FNBP1: variants seen among roughly 807,000 people sequenced by gnomAD.
FNBP1 encodes the protein formin binding protein 1.
In FNBP1, 26 loss-of-function variants were observed where a neutral mutation model predicts 90.6. The observed-to-expected ratio is 0.29, with a 90% CI of 0.21 to 0.40. The LOEUF (loss-of-function observed/expected upper bound fraction) is 0.40. FNBP1 is among the 10% of genes least tolerant of loss of function. FNBP1 has a pLI of 1.00. For missense variants in FNBP1, 635 were observed against 768.0 expected (o/e 0.83, Z 2.05); for synonymous variants, 260 against 265.2 (o/e 0.98, Z 0.19).
At chr9:129,892,086 G>T (rs925460403) in intron 16 of FNBP1, among the ~76,000 whole-genome samples, 1 of 152,216 alleles carries the variant, frequency 6.6e-6, no homozygotes, top group East Asian at 1.9e-4. Flanking sequence ...GAGGCTTCGC[G>T]GCTTTCCGGC....
intron 8 of FNBP1, 122 bp downstream of exon 8, chr9:129,927,073 G>GT: frequency 1.1e-6 from 1 of 925,638 alleles, no homozygotes; most frequent in South Asian, 1.5e-5. Flanking sequence ...CACAGAGCAT[G>GT]TGTGACCACC....
chr9:129,924,120 G>A (rs551467495), intron 9 of FNBP1, 94 bp from the exon 10 acceptor site: 9 of 1,278,340 alleles, frequency 7.0e-6, no homozygotes, highest in African/African-American at 6.3e-5. Context: ...GAAATCCAAC[G>A]CAAGTAAAAC....
intron 12 of FNBP1, among the ~76,000 whole-genome samples, chr9:129,906,361 C>A (rs2038058250): frequency 6.6e-6 from 1 of 152,054 alleles, no homozygotes; most frequent in African/African-American, 2.4e-5. Context: ...TAGCTGTGCC[C>A]TGGCCCAAAT....
upstream of FNBP1, among the ~76,000 whole-genome samples, chr9:130,043,703 C>T (rs1001002651): frequency 6.6e-6 from 1 of 152,206 alleles, no homozygotes; most frequent in African/African-American, 2.4e-5. Context: ...ATAGAGACGT[C>T]GAGGCAAGCG....
rs941062356 is a variant in FNBP1, at chr9:129,929,560, G to A, written c.642+7C>T. The A allele has an allele frequency of 6.2e-7, 1 of 1,613,320 alleles. No homozygotes were observed. The highest frequency in any genetic ancestry group is 1.3e-5 in the African/African-American group (1 of 75,010). ...AACATGAAATCTGAGAGATGTTCAG[G>A]ACTTACCTGGAAGATGTTGGGGATG... On this transcript the variant is annotated splice_region_variant and intron_variant, in intron 7 of 16. Coordinates refer to ENST00000446176, the MANE Select transcript of FNBP1 (RefSeq NM_015033.3).
intron 4 of FNBP1, among the ~76,000 whole-genome samples, chr9:129,969,194 C>A (rs1404622829): frequency 6.6e-6 from 1 of 152,188 alleles, no homozygotes; most frequent in East Asian, 1.9e-4. Context: ...CCATGTTGAT[C>A]ATTTCAGTGA....
At chr9:130,010,353 G>A (rs906450457) in intron 1 of FNBP1, among the ~76,000 whole-genome samples, 6 of 152,004 alleles carry the variant, frequency 3.9e-5, no homozygotes, top group African/African-American at 1.2e-4. Context: ...ACATTACCCT[G>A]GCTAACCAGA....
intron 6 of FNBP1, among the ~76,000 whole-genome samples, chr9:129,942,789 G>A (rs1318125006): frequency 6.6e-6 from 1 of 150,954 alleles, no homozygotes; most frequent in East Asian, 2.0e-4. Context: ...TTGAGGAGTA[G>A]GTTCAATAGC....
chr9:129,945,231 C>T (rs979225502), intron 6 of FNBP1, among the ~76,000 whole-genome samples: 1 of 152,106 alleles, frequency 6.6e-6, no homozygotes, highest in African/African-American at 2.4e-5. Flanking sequence ...GTTATAGCAA[C>T]AATATCCATT....
chr9:129,931,132 C>A (rs975011443), intron 6 of FNBP1, among the ~76,000 whole-genome samples: 7 of 151,854 alleles, frequency 4.6e-5, no homozygotes, highest in Non-Finnish European at 1.0e-4. Flanking sequence ...GGTGAGACCC[C>A]TCTCTCTACA....
At chr9:130,003,332 C>A (rs2055147281) in intron 1 of FNBP1, among the ~76,000 whole-genome samples, 1 of 152,056 alleles carries the variant, frequency 6.6e-6, no homozygotes. Context: ...TGGCACGCAC[C>A]TGTAGTCTCA....
rs181229260 is a variant in FNBP1 at position 129,927,683 on chromosome 9, C to T, written c.643-342G>A. ...GGAGTGCAGTGGTGTGATCTCAGCTCACTGCAACCTCTGCCTCCAGGTTCA... is the reference window on the plus strand; with the variant it reads ...GGAGTGCAGTGGTGTGATCTCAGCTTACTGCAACCTCTGCCTCCAGGTTCA... On this transcript the variant is annotated intron_variant, in intron 7 of 16. Transcript: ENST00000446176. Among the ~76,000 whole-genome samples, 181 of 152,184 alleles carry T rather than the reference C, an allele frequency of 1.2e-3. 1 individual carries two copies. Among genetic ancestry groups the T allele is most frequent in the African/African-American group, 4.1e-3 (171 of 41,494 alleles).
intron 4 of FNBP1, among the ~76,000 whole-genome samples, chr9:129,971,731 G>A (rs2133260197): frequency 6.6e-6 from 1 of 152,350 alleles, no homozygotes; most frequent in Non-Finnish European, 1.5e-5. Flanking sequence ...ACAGCTGGTA[G>A]GGCTACAAAG....
chr9:129,892,407 AC>A (rs777655452), intron 16 of FNBP1, among the ~76,000 whole-genome samples: 2,960 of 147,752 alleles, frequency 0.02, 50 homozygotes, highest in Non-Finnish European at 0.031. Context: ...ACACACACAC[AC>A]ACACACACAA....
At chr9:129,948,337 A>G (rs1448467445) in intron 6 of FNBP1, among the ~76,000 whole-genome samples, 1 of 149,080 alleles carries the variant, frequency 6.7e-6, no homozygotes, top group African/African-American at 2.5e-5. Flanking sequence ...TTGCTCATAC[A>G]AAACACCTAT....
intron 8 of FNBP1, among the ~76,000 whole-genome samples, chr9:129,926,002 C>T (rs2041850815): frequency 6.6e-6 from 1 of 151,938 alleles, no homozygotes; most frequent in Admixed American, 6.6e-5. Context: ...GACAGAGTCT[C>T]GCTCTGTCAC....
rs1256599023 is a variant in FNBP1, at chr9:129,903,252, ACGTTGGCC to A, written c.1296-259_1296-252del. Among the ~76,000 whole-genome samples the A allele has an allele frequency of 3.3e-5, 5 of 152,266 alleles. No homozygotes were observed. The East Asian group carries it at 9.7e-4, about 29-fold the overall frequency. On this transcript the variant is annotated intron_variant, in intron 12 of 16. Transcript: ENST00000446176. ...TTTTTAGTAGAGATGGGGTTTTGCC[ACGTTGGCC>A]AGGCTGGTCTTGAACTCCTGACCTT...
chr9:129,922,154 C>CTCATTATAT (rs2041212408), intron 10 of FNBP1, among the ~76,000 whole-genome samples: 1 of 151,766 alleles, frequency 6.6e-6, no homozygotes, highest in Admixed American at 6.6e-5. Context: ...GATCTGTTTA[C>CTCATTATAT]TCATTATATT....
At chr9:130,053,781 C>G in the FNBP1 span, 2 of 710,668 alleles carry the variant, frequency 2.8e-6, no homozygotes, top group East Asian at 5.5e-5. Flanking sequence ...ACAGGCTCCT[C>G]GACGACTTCC....
Sources: allele counts gnomAD v4.1 joint callset (sites outside exome capture counted in the v4.1 genomes callset), GRCh38; gene constraint gnomAD v4.1.1; transcripts MANE v1.5; gene names NCBI Gene and HGNC (gene_info 2026-07-23, HGNC 2026-07-21).